Variants in NRXN1 observed in about 807,000 individuals in gnomAD.
The protein encoded by NRXN1 is neurexin 1, also known as neurexin-1.
Under a neutral mutation model 150.9 loss-of-function variants are expected in NRXN1, and 39 were observed. The observed-to-expected ratio is 0.26, with a 90% CI of 0.20 to 0.34. The LOEUF (loss-of-function observed/expected upper bound fraction) is 0.34. Among genes scored for constraint, NRXN1 ranks in the 10% least tolerant of loss-of-function variants. NRXN1 has a pLI of 1.00. For missense variants in NRXN1, 1,815 were observed against 1,949.9 expected, an observed-to-expected ratio of 0.93 and a Z score of 1.30; for synonymous variants, 924 against 757.0, an observed-to-expected ratio of 1.22 and a Z score of -3.62.
intron 18 of NRXN1, among the ~76,000 whole-genome samples, chr2:50,228,999 C>T (rs2064681837): frequency 6.6e-6 from 1 of 151,998 alleles, no homozygotes; most frequent in African/African-American, 2.4e-5. Flanking sequence ...CTCCTAGAGA[C>T]ATCACAAATT....
chr2:50,851,709 G>A (rs1028542766), intron 5 of NRXN1, among the ~76,000 whole-genome samples: 5 of 151,534 alleles, frequency 3.3e-5, no homozygotes, highest in Non-Finnish European at 7.4e-5. Flanking sequence ...AACACACATG[G>A]AAATAAAACA....
chr2:50,611,550 CT>C lies in NRXN1; in HGVS notation c.1320+8471del, dbSNP rs1282072012. On this transcript the variant is annotated intron_variant, in intron 8 of 22. Transcript: ENST00000401669. ...AAGAGGAGTGTCTATGGCAAGGTGC[CT>C]GGTTTCTGCCCCAATTGTTTATTTC... is the stretch of plus-strand genomic sequence containing the variant. 2.6e-5 allele frequency among the ~76,000 whole-genome samples: 4 copies of C among 152,152 alleles called. No individual in the cohort carries two copies. In the East Asian group the frequency reaches 7.7e-4, roughly 29 times the overall value.
intron 17 of NRXN1, among the ~76,000 whole-genome samples, chr2:50,287,371 A>G (rs1311938357): frequency 6.6e-6 from 1 of 152,118 alleles, no homozygotes; most frequent in Non-Finnish European, 1.5e-5. Context: ...ATTACAGGGG[A>G]AGGTAACCAC....
chr2:50,081,305 G>A (rs542396631), intron 19 of NRXN1, among the ~76,000 whole-genome samples: 30 of 152,142 alleles, frequency 2.0e-4, no homozygotes, highest in African/African-American at 4.6e-4. Context: ...CTGGCCAGGC[G>A]CAGTGGCTCA....
At chr2:50,075,910 G>A (rs1697024700) in intron 19 of NRXN1, among the ~76,000 whole-genome samples, 1 of 152,066 alleles carries the variant, frequency 6.6e-6, no homozygotes, top group Admixed American at 6.6e-5. Flanking sequence ...CTGGGACTCT[G>A]GGGCAGCACC....
intron 12 of NRXN1, among the ~76,000 whole-genome samples, chr2:50,512,148 G>A (rs1488767105): frequency 2.6e-5 from 4 of 151,674 alleles, no homozygotes; most frequent in East Asian, 3.9e-4. Flanking sequence ...AAACTACCTC[G>A]CGGCTACATG....
chr2:50,140,490 A>G (rs1370137605), intron 18 of NRXN1, among the ~76,000 whole-genome samples: 2 of 152,124 alleles, frequency 1.3e-5, no homozygotes, highest in Non-Finnish European at 1.5e-5. Context: ...TAGAACAACA[A>G]TCACAAAGTC....
At chr2:50,630,468 C>T (rs960646824) in intron 5 of NRXN1, among the ~76,000 whole-genome samples, 32 of 151,656 alleles carry the variant, frequency 2.1e-4, no homozygotes, top group African/African-American at 7.7e-4. Flanking sequence ...TGACCCAATG[C>T]CTCTGTATCT....
intron 21 of NRXN1, among the ~76,000 whole-genome samples, chr2:50,009,965 T>G (rs1685384579): frequency 6.6e-6 from 1 of 152,124 alleles, no homozygotes; most frequent in Non-Finnish European, 1.5e-5. Context: ...TGGGCCATTA[T>G]TCTAATTTGT....
At chr2:50,829,611 T>G in intron 5 of NRXN1, 2 of 1,611,972 alleles carry the variant, frequency 1.2e-6, no homozygotes, top group Non-Finnish European at 1.7e-6. Context: ...CCTTGAATAT[T>G]TCACTTTACT....
chr2:50,866,210 C>T (rs1394003809), intron 5 of NRXN1, among the ~76,000 whole-genome samples: 1 of 151,872 alleles, frequency 6.6e-6, no homozygotes, highest in Non-Finnish European at 1.5e-5. Context: ...AAGAGTTCCA[C>T]CACATTGAAA....
chr2:50,007,295 T>G (rs1342039245), intron 21 of NRXN1, among the ~76,000 whole-genome samples: 1 of 152,006 alleles, frequency 6.6e-6, no homozygotes, highest in South Asian at 2.1e-4. Context: ...GCAGTGAGCT[T>G]TGATCCCACC....
At chr2:50,236,656 A>C (rs2065465082) in intron 18 of NRXN1, 133 bp downstream of exon 18, 1 of 784,894 alleles carries the variant, frequency 1.3e-6, no homozygotes, top group African/African-American at 1.7e-5. Context: ...TTTCCTCTAG[A>C]TTGTATTCAT....
chr2:50,257,945 G>T (rs1574786461), intron 17 of NRXN1, among the ~76,000 whole-genome samples: 1 of 151,648 alleles, frequency 6.6e-6, no homozygotes, highest in Non-Finnish European at 1.5e-5. Context: ...CTATAATGTA[G>T]TCTATTTAAG....
intron 2 of NRXN1, among the ~76,000 whole-genome samples, chr2:50,965,601 T>C (rs1250075264): frequency 6.6e-6 from 1 of 151,564 alleles, no homozygotes; most frequent in African/African-American, 2.4e-5. Flanking sequence ...GAATGGTTTT[T>C]AAAAGTTTTG....
At chr2:50,019,312 G>C (rs1345220089) in intron 21 of NRXN1, 2 of 471,098 alleles carry the variant, frequency 4.2e-6, no homozygotes, top group African/African-American at 4.0e-5. Context: ...TGTTTATTCT[G>C]TACTTTTCTG....
chr2:50,464,324 G>T (rs764340540), intron 17 of NRXN1: 9 of 151,716 alleles, frequency 5.9e-5, no homozygotes, highest in Non-Finnish European at 8.8e-5. Flanking sequence ...TTGGTTGTGC[G>T]TTTTTCCAAT....
chr2:50,840,918 C>T (rs547665779), intron 5 of NRXN1: 1 of 152,308 alleles, frequency 6.6e-6, no homozygotes, highest in African/African-American at 2.4e-5. Context: ...ATGTGTAACG[C>T]TTACTTCCCT....
At chr2:50,575,336 A>T (rs1671270434) in intron 8 of NRXN1, among the ~76,000 whole-genome samples, 1 of 152,308 alleles carries the variant, frequency 6.6e-6, no homozygotes, top group South Asian at 2.1e-4. Context: ...AGTTGTGGGC[A>T]TAAGCCCTGG....
Sources: gnomAD v4.1 joint callset for allele counts (sites outside exome capture counted in the v4.1 genomes callset) on GRCh38, gnomAD v4.1.1 for gene constraint, MANE v1.5 for transcripts, NCBI Gene and HGNC (gene_info 2026-07-23, HGNC 2026-07-21) for gene names.